NEDD4L: variants seen among roughly 807,000 people sequenced by gnomAD.
NEDD4L encodes NEDD4 like E3 ubiquitin protein ligase, also known as E3 ubiquitin-protein ligase NEDD4-like.
Under a neutral mutation model 148.9 loss-of-function variants are expected in NEDD4L, and 54 were observed. The ratio of observed to expected loss-of-function variants is 0.36; its 90% CI spans 0.29 to 0.45. The LOEUF is 0.45. NEDD4L is among the 20% of genes least tolerant of loss of function. The pLI, the probability that NEDD4L is intolerant of heterozygous loss-of-function variation, is 1.00. For missense variants in NEDD4L, 856 were observed against 1,233.8 expected, an observed-to-expected ratio of 0.69 and a Z score of 4.59; for synonymous variants, 433 against 440.7, an observed-to-expected ratio of 0.98 and a Z score of 0.22.
chr18:58,060,593 G>T (rs1435184065), intron 1 of NEDD4L, among the ~76,000 whole-genome samples: 1 of 151,870 alleles, frequency 6.6e-6, no homozygotes, highest in Non-Finnish European at 1.5e-5. Flanking sequence ...TGATTGATTA[G>T]GTACAAAAAA....
At chr18:58,344,621 G>A (rs1373145734) in intron 16 of NEDD4L, among the ~76,000 whole-genome samples, 1 of 152,192 alleles carries the variant, frequency 6.6e-6, no homozygotes, top group Non-Finnish European at 1.5e-5. Context: ...TAACATGTAG[G>A]TTTGACTCCC....
At chr18:58,304,426 A>G (rs1433108240) in intron 5 of NEDD4L, among the ~76,000 whole-genome samples, 2 of 151,650 alleles carry the variant, frequency 1.3e-5, no homozygotes, top group Non-Finnish European at 2.9e-5. Context: ...AAGTGGGAGG[A>G]TTGCTTGGAC....
At chr18:58,184,086 G>A (rs1002600110) in intron 2 of NEDD4L, among the ~76,000 whole-genome samples, 6 of 152,126 alleles carry the variant, frequency 3.9e-5, no homozygotes, top group Non-Finnish European at 7.4e-5. Context: ...GGAGAATGGC[G>A]AGAACCTGGG....
At chr18:58,045,820 A>G (rs541058958) in intron 1 of NEDD4L, 17 of 152,332 alleles carry the variant, frequency 1.1e-4, no homozygotes, top group African/African-American at 3.6e-4. Context: ...CATTTCATGA[A>G]AAGTTGATGC....
At chr18:58,136,949 C>T (rs565083847) in intron 1 of NEDD4L, among the ~76,000 whole-genome samples, 2 of 152,286 alleles carry the variant, frequency 1.3e-5, no homozygotes, top group East Asian at 1.9e-4. Flanking sequence ...GGAATAGATA[C>T]ATTTTTTAAA....
chr18:58,281,081 G>A lies in NEDD4L; in HGVS notation c.297+29027G>A, dbSNP rs185462849. 3.1e-3 allele frequency among the ~76,000 whole-genome samples: 478 copies of A among 152,150 alleles called. 8 individuals are homozygous for A. The highest frequency in any genetic ancestry group is 0.023 in the Admixed American group (348 of 15,278). On this transcript the variant is annotated intron_variant, in intron 5 of 30. Coordinates refer to ENST00000400345, the MANE Select transcript of NEDD4L (RefSeq NM_001144967.3). ...CAGCCTTGAACTCCTGGGCTCAAGC[G>A]ATCCTCCCGCCTCAGCCTCCTGAGT...
At chr18:58,184,360 G>T (rs2039210057) in intron 2 of NEDD4L, among the ~76,000 whole-genome samples, 1 of 152,046 alleles carries the variant, frequency 6.6e-6, no homozygotes, top group Non-Finnish European at 1.5e-5. Context: ...GTGTGGTTTT[G>T]AAATGGAGCA....
At chr18:58,352,566 G>A (rs756554094) in intron 18 of NEDD4L, among the ~76,000 whole-genome samples, 9 of 152,162 alleles carry the variant, frequency 5.9e-5, no homozygotes, top group Non-Finnish European at 8.8e-5. Context: ...GGCTGAGGCA[G>A]GAGAATCTCT....
At chr18:58,235,714 C>A (rs1405531644) in intron 2 of NEDD4L, among the ~76,000 whole-genome samples, 1 of 151,936 alleles carries the variant, frequency 6.6e-6, no homozygotes, top group African/African-American at 2.4e-5. Flanking sequence ...TTTCAGGGTT[C>A]CAAGGGAATA....
At chr18:58,252,248 T>C (rs900915598) in intron 5 of NEDD4L, among the ~76,000 whole-genome samples, 194 bp downstream of exon 5, 3 of 152,186 alleles carry the variant, frequency 2.0e-5, no homozygotes, top group African/African-American at 7.2e-5. Flanking sequence ...GGATAAAAAA[T>C]GTATTTGTAT....
intron 1 of NEDD4L, among the ~76,000 whole-genome samples, chr18:58,082,102 A>AT (rs1192932128): frequency 0.015 from 732 of 48,846 alleles, 22 homozygotes; most frequent in Non-Finnish European, 0.018. Flanking sequence ...ATATATATAT[A>AT]TTTTTTTTTT....
chr18:58,140,752 T>A (rs1236357302), intron 1 of NEDD4L, among the ~76,000 whole-genome samples: 1 of 152,280 alleles, frequency 6.6e-6, no homozygotes, highest in Non-Finnish European at 1.5e-5. Context: ...AGAGTTCTGC[T>A]GCTGAATTAA....
intron 1 of NEDD4L, among the ~76,000 whole-genome samples, chr18:58,087,856 A>G (rs185795131): frequency 6.6e-6 from 1 of 152,346 alleles, no homozygotes; most frequent in African/African-American, 2.4e-5. Flanking sequence ...CCTGGACAGC[A>G]AGAGTGAAAC....
intron 1 of NEDD4L, among the ~76,000 whole-genome samples, chr18:58,116,879 T>G (rs2085878360): frequency 6.6e-6 from 1 of 152,236 alleles, no homozygotes; most frequent in South Asian, 2.1e-4. Flanking sequence ...GAGCGGGGGC[T>G]TGGCTTGGCA....
intron 12 of NEDD4L, among the ~76,000 whole-genome samples, chr18:58,334,245 C>G (rs887143556): frequency 6.6e-6 from 1 of 152,160 alleles, no homozygotes; most frequent in African/African-American, 2.4e-5. Flanking sequence ...CACATTGAGT[C>G]CCTTTAACCA....
intron 5 of NEDD4L, among the ~76,000 whole-genome samples, chr18:58,268,116 C>T (rs1056992277): frequency 6.6e-6 from 1 of 152,032 alleles, no homozygotes; most frequent in Non-Finnish European, 1.5e-5. Context: ...CCCCAACCCC[C>T]CAATGGGGTT....
intron 5 of NEDD4L, among the ~76,000 whole-genome samples, chr18:58,281,629 C>CT (rs1005997413): frequency 1.3e-5 from 2 of 151,906 alleles, no homozygotes; most frequent in African/African-American, 4.8e-5. Flanking sequence ...AACAACTTCC[C>CT]TAACCTTATG....
chr18:58,287,468 C>G (rs1031796034), intron 5 of NEDD4L, among the ~76,000 whole-genome samples: 1 of 152,154 alleles, frequency 6.6e-6, no homozygotes, highest in Non-Finnish European at 1.5e-5. Flanking sequence ...AGAGACCAGC[C>G]TCCCTCAGGA....
At chr18:58,065,231 C>T (rs2082536516) in intron 1 of NEDD4L, among the ~76,000 whole-genome samples, 1 of 152,214 alleles carries the variant, frequency 6.6e-6, no homozygotes, top group South Asian at 2.1e-4. Context: ...AATCCCTGCT[C>T]TTTCCAATCT....
Sources: gnomAD v4.1 joint callset for allele counts (sites outside exome capture counted in the v4.1 genomes callset) on GRCh38, gnomAD v4.1.1 for gene constraint, MANE v1.5 for transcripts, NCBI Gene and HGNC (gene_info 2026-07-23, HGNC 2026-07-21) for gene names.